The following CFTR variants were observed in gnomAD, a reference collection of about 807,000 sequenced individuals.
CFTR encodes cystic fibrosis transmembrane conductance regulator.
Under a neutral mutation model 171.6 loss-of-function variants are expected in CFTR, and 181 were observed. That is an observed-to-expected ratio of 1.05 (90% CI 0.93 to 1.19). The LOEUF is 1.19. Ranked by LOEUF, CFTR falls within the 50% of genes most tolerant of loss-of-function variation. The probability of loss-of-function intolerance (pLI) is 0.00; values close to 1 mark genes in which losing one functional copy is unlikely to be tolerated. For missense variants in CFTR, 1,968 were observed against 1,734.7 expected, an observed-to-expected ratio of 1.13 and a Z score of -2.39; for synonymous variants, 583 against 608.0, an observed-to-expected ratio of 0.96 and a Z score of 0.60.
chr7:117,599,113 A>G (rs1342480459), intron 15 of CFTR, among the ~76,000 whole-genome samples: 1 of 152,212 alleles, frequency 6.6e-6, no homozygotes, highest in Non-Finnish European at 1.5e-5. Context: ...ATTGCATTAA[A>G]ATATATTTAA....
At chr7:117,511,352 A>G (rs1318327185) in intron 3 of CFTR, among the ~76,000 whole-genome samples, 1 of 152,228 alleles carries the variant, frequency 6.6e-6, no homozygotes, top group African/African-American at 2.4e-5. Context: ...TGGAGTATGT[A>G]TGGAGAAAGA....
In CFTR at chr7:117,530,938, A is replaced by G. The variant is rs758675549; in HGVS notation, c.313A>G (p.Ile105Val). 6.2e-7 allele frequency: 1 copy of G among 1,613,714 alleles called. No individual in the cohort carries two copies. The highest frequency in any genetic ancestry group is 8.5e-7 in the Non-Finnish European group (1 of 1,179,754). ...AGTACAGCCTCTCTTACTGGGAAGA[A>G]TCATAGCTTCCTATGACCCGGATAA... ...KAVQPLLLGRIIASYDPDNKE... is the reference protein window; with the variant it reads ...KAVQPLLLGRVIASYDPDNKE... The change falls in exon 4 of 27, where the codon ATC becomes GTC. Residue 105 changes from isoleucine (I) to valine (V), a missense_variant. Ile to Val is a conservative substitution (Grantham distance 29, BLOSUM62 3). Coordinates refer to ENST00000003084, the MANE Select transcript of CFTR (RefSeq NM_000492.4).
In CFTR at chr7:117,598,031, A is replaced by G. The variant is rs569442197; in HGVS notation, c.2619+2973A>G. Among the ~76,000 whole-genome samples, 43 of 152,278 alleles carry G rather than the reference A, an allele frequency of 2.8e-4. No homozygotes were observed. In the South Asian group the frequency reaches 5.8e-3, roughly 21 times the overall value. On this transcript the variant is annotated intron_variant, in intron 15 of 26. Coordinates refer to ENST00000003084, the MANE Select transcript of CFTR (RefSeq NM_000492.4). Reference sequence around the variant, plus strand: ...GCATTTGTTCTTCAGTTATCTATAGAAGGCAGCTGTCACTCAGCACCAGCT... The same window carrying G: ...GCATTTGTTCTTCAGTTATCTATAGGAGGCAGCTGTCACTCAGCACCAGCT...
chr7:117,626,428 A>T (rs1450340247), intron 21 of CFTR, among the ~76,000 whole-genome samples: 1 of 152,100 alleles, frequency 6.6e-6, no homozygotes, highest in Non-Finnish European at 1.5e-5. Flanking sequence ...AAATAAGATG[A>T]TGTGTTAATA....
At chr7:117,604,115 T>C (rs1265780410) in intron 17 of CFTR, among the ~76,000 whole-genome samples, 1 of 152,164 alleles carries the variant, frequency 6.6e-6, no homozygotes, top group Non-Finnish European at 1.5e-5. Context: ...GTTGCCAATA[T>C]ATAGTATTGC....
intron 1 of CFTR, among the ~76,000 whole-genome samples, chr7:117,491,921 G>T (rs1382600690): frequency 6.6e-6 from 1 of 152,062 alleles, no homozygotes; most frequent in Non-Finnish European, 1.5e-5. Flanking sequence ...GTATATACAT[G>T]TAGGGAGTTA....
At chr7:117,599,353 T>C (rs1426738894) in intron 15 of CFTR, among the ~76,000 whole-genome samples, 1 of 152,202 alleles carries the variant, frequency 6.6e-6, no homozygotes, top group African/African-American at 2.4e-5. Context: ...GTTGAACTTA[T>C]GCACCTTTAA....
intron 21 of CFTR, among the ~76,000 whole-genome samples, chr7:117,617,488 G>A (rs1345722544): frequency 6.6e-6 from 1 of 151,854 alleles, no homozygotes; most frequent in Non-Finnish European, 1.5e-5. Flanking sequence ...TATTCCCTAA[G>A]ATAGCTTTTT....
In CFTR at chr7:117,628,943, G is replaced by T. The variant is rs567005824; in HGVS notation, c.3717+1173G>T. 1.1e-4 allele frequency among the ~76,000 whole-genome samples: 17 copies of T among 152,098 alleles called. No individual in the cohort carries two copies. In the South Asian group the frequency reaches 2.9e-3, roughly 26 times the overall value. On this transcript the variant is annotated intron_variant, in intron 22 of 26. Transcript: ENST00000003084. The stretch of plus-strand genomic sequence containing the variant: ...AGCCAGAATAGGTTGGTATAAACCT[G>T]GTAGAAAGCCTTGATAAATTGACTT...
chr7:117,588,857 A>G (rs1382418621), intron 12 of CFTR, among the ~76,000 whole-genome samples: 1 of 152,128 alleles, frequency 6.6e-6, no homozygotes, highest in Admixed American at 6.6e-5. Context: ...ACATTAAACC[A>G]TGCTTTGATC....
At position 117,667,471 on chromosome 7, in the gene CFTR, G is replaced by A. The variant is rs575912292; in HGVS notation, c.*363G>A. ...ATCAGCTTATTGTCTAGTGAAACTC[G>A]TTAATTTGTAGTGTTGGAGAAGAAC... is the stretch of plus-strand genomic sequence containing the variant. On this transcript the variant is annotated 3_prime_UTR_variant, in exon 27 of 27. Coordinates refer to ENST00000003084, the MANE Select transcript of CFTR (RefSeq NM_000492.4). The A allele has an allele frequency of 9.6e-5, 33 of 343,152 alleles. No individual in the cohort carries two copies. Among genetic ancestry groups the A allele is most frequent in the Non-Finnish European group, 1.6e-4 (29 of 175,952 alleles). 21.3% of individuals were successfully genotyped at this position (343,152 alleles called of 1,614,324 possible). A position where few individuals can be genotyped will look rare whatever the true frequency, so the allele number is the denominator to read the frequency against.
At chr7:117,554,416 G>A (rs213948) in intron 10 of CFTR, among the ~76,000 whole-genome samples, 28,568 of 152,028 alleles carry the variant, frequency 0.19, 2,881 homozygotes, top group Non-Finnish European at 0.21. Flanking sequence ...TAAATGTGCC[G>A]TTTACTAGAA....
At chr7:117,640,608 T>G (rs887003627) in intron 22 of CFTR, among the ~76,000 whole-genome samples, 1 of 152,166 alleles carries the variant, frequency 6.6e-6, no homozygotes, top group Non-Finnish European at 1.5e-5. Context: ...TTTATTCCCC[T>G]GTACCTCACC....
intron 24 of CFTR, among the ~76,000 whole-genome samples, chr7:117,658,308 T>G (rs1793213282): frequency 6.6e-6 from 1 of 152,198 alleles, no homozygotes; most frequent in South Asian, 2.1e-4. Flanking sequence ...TTTTCAAGTT[T>G]ACATGTAAAA....
intron 1 of CFTR, among the ~76,000 whole-genome samples, chr7:117,485,439 T>A (rs1798059496): frequency 6.6e-6 from 1 of 152,200 alleles, no homozygotes; most frequent in Non-Finnish European, 1.5e-5. Context: ...AAGATTAATT[T>A]ACAAATATGT....
intron 10 of CFTR, among the ~76,000 whole-genome samples, chr7:117,554,146 T>C (rs895433877): frequency 2.0e-5 from 3 of 152,054 alleles, no homozygotes; most frequent in Non-Finnish European, 1.5e-5. Flanking sequence ...TTGGCTAATG[T>C]TTTTAGGCTA....
Position 117,656,256 on chromosome 7 carries a change from G to T in CFTR, c.3963+3325G>T, listed in dbSNP as rs1012883886. 1.1e-4 allele frequency among the ~76,000 whole-genome samples: 17 copies of T among 152,086 alleles called. No individual in the cohort carries two copies. In the South Asian group the frequency reaches 1.5e-3, roughly 13 times the overall value. On this transcript the variant is annotated intron_variant, in intron 24 of 26. Transcript: ENST00000003084. ...TCTCCACTACAAGAAGGAGGCTTTGGTTTGACTTGATATACTTCTCTGGGA... is the reference window on the plus strand; with the variant it reads ...TCTCCACTACAAGAAGGAGGCTTTGTTTTGACTTGATATACTTCTCTGGGA...
intron 8 of CFTR, 26 bp from the exon 9 acceptor site, chr7:117,541,990 A>G (rs777176709): frequency 9.1e-7 from 1 of 1,104,816 alleles, no homozygotes; most frequent in Admixed American, 1.7e-5. Flanking sequence ...ATTCTATAAT[A>G]TGTTTTTGCT....
At chr7:117,508,963 G>A (rs1798466237) in intron 2 of CFTR, 71 bp from the exon 3 acceptor site, 3 of 956,258 alleles carry the variant, frequency 3.1e-6, no homozygotes, top group Non-Finnish European at 5.1e-6. Flanking sequence ...ATCAAACTAT[G>A]TTAAGGGAAA....
Sources: gnomAD v4.1 joint callset for allele counts (sites outside exome capture counted in the v4.1 genomes callset) on GRCh38, gnomAD v4.1.1 for gene constraint, MANE v1.5 for transcripts, NCBI Gene and HGNC (gene_info 2026-07-23, HGNC 2026-07-21) for gene names.